ZNF878: variants seen among roughly 807,000 people sequenced by gnomAD.
The protein encoded by ZNF878 is zinc finger protein 878.
ZNF878 carries 10 observed loss-of-function variants against 11.1 expected under a neutral mutation model. That is an observed-to-expected ratio of 0.90 (90% CI 0.56 to 1.53). The LOEUF (loss-of-function observed/expected upper bound fraction) is 1.53. Ranked by LOEUF, ZNF878 falls within the 40% of genes most tolerant of loss-of-function variation. The pLI, the probability that ZNF878 is intolerant of heterozygous loss-of-function variation, is 0.00. For synonymous variants in ZNF878, 165 were observed against 209.7 expected (o/e 0.79, Z 1.84); for missense variants, 548 against 626.1 (o/e 0.88, Z 1.33).
chr19:12,050,956 C>A (rs1311389762), intron 1 of ZNF878, among the ~76,000 whole-genome samples: 2 of 151,814 alleles, frequency 1.3e-5, no homozygotes, highest in Non-Finnish European at 1.5e-5. Context: ...ATTAGCCGGG[C>A]GCGGTGGCGG....
intron 1 of ZNF878, among the ~76,000 whole-genome samples, chr19:12,046,981 A>G (rs936420230): frequency 1.3e-5 from 2 of 152,154 alleles, no homozygotes; most frequent in African/African-American, 4.8e-5. Flanking sequence ...GCAACAGCAG[A>G]ATAGGAAAAA....
intron 1 of ZNF878, 54 bp downstream of exon 1, chr19:12,052,745 G>T: frequency 6.5e-7 from 1 of 1,533,574 alleles, no homozygotes; most frequent in Non-Finnish European, 8.7e-7. Context: ...GGTTCCTCTC[G>T]GTTCCACCCA....
Position 12,046,429 on chromosome 19 carries a change from C to G in ZNF878, c.131-1G>C. On this transcript the variant is annotated splice_acceptor_variant, in intron 2 of 3. Coordinates refer to ENST00000547628, the MANE Select transcript of ZNF878 (RefSeq NM_001080404.3). LOFTEE classifies it high-confidence loss of function. Reference sequence around the variant, plus strand: ...ATGTACTGGTTGTTCCATTTTTTTCCTAAAATGCGGACCCAGAAAAATAGT... The same window carrying G: ...ATGTACTGGTTGTTCCATTTTTTTCGTAAAATGCGGACCCAGAAAAATAGT... The G allele has an allele frequency of 6.4e-7, 1 of 1,571,708 alleles. No individual in the cohort carries two copies. Among genetic ancestry groups the G allele is most frequent in the South Asian group, 1.2e-5 (1 of 84,598 alleles).
At chr19:12,052,007 G>C (rs1255164318) in intron 1 of ZNF878, among the ~76,000 whole-genome samples, 1 of 152,196 alleles carries the variant, frequency 6.6e-6, no homozygotes, top group East Asian at 1.9e-4. Flanking sequence ...CCTTCCTACA[G>C]CCTCCAAATT....
rs1975449630 is a variant in ZNF878, at chr19:12,044,790, C to CA, written c.610dup (p.Cys204LeufsTer25). On this transcript the variant is annotated frameshift_variant, in exon 4 of 4. Transcript: ENST00000547628. LOFTEE classifies it low-confidence loss of function (END_TRUNC). Reference sequence around the variant, plus strand: ...TACAAGATAAGATAATGCTTTCCCACACTGCTTACATTCATAGGGTTTTTT... The same window carrying CA: ...TACAAGATAAGATAATGCTTTCCCACAACTGCTTACATTCATAGGGTTTTTT... The CA allele has an allele frequency of 6.2e-7, 1 of 1,614,076 alleles. No homozygotes were observed. The highest frequency in any genetic ancestry group is 1.1e-5 in the South Asian group (1 of 91,080).
chr19:12,048,244 C>T (rs998019432), intron 1 of ZNF878, among the ~76,000 whole-genome samples: 6 of 151,696 alleles, frequency 4.0e-5, no homozygotes, highest in South Asian at 4.2e-4. Flanking sequence ...CTGGGCTGGG[C>T]GCGGTGGCTC....
rs781545567 is a variant in ZNF878, at chr19:12,052,807, G to C, written c.-6C>G. 6.5e-7 allele frequency: 1 copy of C among 1,535,982 alleles called. No individual in the cohort carries two copies. Among genetic ancestry groups the C allele is most frequent in the South Asian group, 1.2e-5 (1 of 84,050 alleles). On this transcript the variant is annotated 5_prime_UTR_variant, in exon 1 of 4. Transcript: ENST00000547628. ...CAGCACCGCATGCTCACCATTTCCT[G>C]GCTTCCAGGTATTCTGGCGTCCTCT...
At chr19:12,048,641 C>G (rs1442156097) in intron 1 of ZNF878, among the ~76,000 whole-genome samples, 3 of 151,826 alleles carry the variant, frequency 2.0e-5, no homozygotes, top group Non-Finnish European at 2.9e-5. Context: ...CGAGACCAGC[C>G]TGGCCAACCA....
At chr19:12,051,830 C>G (rs778108065) in intron 1 of ZNF878, among the ~76,000 whole-genome samples, 5 of 152,192 alleles carry the variant, frequency 3.3e-5, no homozygotes, top group Admixed American at 3.3e-4. Context: ...TCGCTTGAAC[C>G]CGGGAGGCGG....
At position 12,044,690 on chromosome 19, in the gene ZNF878, A is replaced by T. The variant is rs1176397592; in HGVS notation, c.711T>A (p.Phe237Leu). 2 of 1,614,066 alleles carry T rather than the reference A, an allele frequency of 1.2e-6. No homozygotes were observed. Among genetic ancestry groups the T allele is most frequent in the East Asian group, 2.2e-5 (1 of 44,854 alleles). The stretch of plus-strand genomic sequence containing the variant: ...CGTGTCTTTTTAACGAACTGGGAGA[A>T]AAAAAGGCTTTCCCACATATGTTAC... ...HKCNICGKAF[F>L]SPSSLKRHEK... Residue 237 changes from phenylalanine to leucine, a missense_variant, in exon 4 of 4, where the codon TTT becomes TTA. Physicochemically the swap from Phe to Leu is conservative, Grantham distance 22. Coordinates refer to ENST00000547628, the MANE Select transcript of ZNF878 (RefSeq NM_001080404.3).
At chr19:12,043,801 G>A, downstream of ZNF878, 1 of 1,589,806 alleles carries the variant, frequency 6.3e-7, no homozygotes, top group Non-Finnish European at 8.5e-7. Flanking sequence ...CATCCATAGA[G>A]TTTCTAGCCA....
intron 1 of ZNF878, among the ~76,000 whole-genome samples, chr19:12,051,390 G>A (rs1284289201): frequency 6.6e-6 from 1 of 151,724 alleles, no homozygotes; most frequent in East Asian, 1.9e-4. Flanking sequence ...AATTAATTTA[G>A]TTGTACTAAT....
At chr19:12,046,557 A>G in intron 2 of ZNF878, 77 bp downstream of exon 2, 1 of 1,599,342 alleles carries the variant, frequency 6.3e-7, no homozygotes, top group Non-Finnish European at 8.5e-7. Context: ...ACCATATTCC[A>G]AATCACTCAA....
At position 12,044,165 on chromosome 19, in the gene ZNF878, C is replaced by T; in HGVS notation, c.1236G>A (p.Lys412=). 1 of 1,611,334 alleles carries T rather than the reference C, an allele frequency of 6.2e-7. No homozygotes were observed. The highest frequency in any genetic ancestry group is 1.1e-5 in the South Asian group (1 of 90,966). Residue 412 remains lysine, a synonymous_variant, in exon 4 of 4, where the codon AAG becomes AAA. Coordinates refer to ENST00000547628, the MANE Select transcript of ZNF878 (RefSeq NM_001080404.3). ...KAFRSASVLQ[K]HIRTHTGEKP... is the part of the protein sequence containing the mutation. ...TCTCTCCTGTGTGAGTTCGTATGTG[C>T]TTTTGAAGGACTGAGGCAGATCTGA...
intron 1 of ZNF878, among the ~76,000 whole-genome samples, chr19:12,050,418 T>A (rs1975538721): frequency 6.6e-6 from 1 of 151,992 alleles, no homozygotes; most frequent in Non-Finnish European, 1.5e-5. Context: ...GCACAATAGG[T>A]CAATTAATCT....
At chr19:12,048,073 C>A (rs1400986395) in intron 1 of ZNF878, among the ~76,000 whole-genome samples, 1 of 152,078 alleles carries the variant, frequency 6.6e-6, no homozygotes, top group Non-Finnish European at 1.5e-5. Flanking sequence ...ACTGGGCAAC[C>A]CATGACTCAA....
Position 12,046,406 on chromosome 19 carries a change from G to C in ZNF878, c.153C>G (p.Tyr51Ter). 6.3e-7 allele frequency: 1 copy of C among 1,577,700 alleles called. No homozygotes were observed. The highest frequency in any genetic ancestry group is 8.6e-7 in the Non-Finnish European group (1 of 1,161,278). The change falls in exon 3 of 4, where the codon TAC becomes TAG. Residue 51 changes from tyrosine to a stop codon, truncating the protein, a stop_gained. Transcript: ENST00000547628. LOFTEE classifies it low-confidence loss of function (END_TRUNC). ...TAGGATTTTGGTGCTCATCTTCAATGTACTGGTTGTTCCATTTTTTTCCTA... is the reference window on the plus strand; with the variant it reads ...TAGGATTTTGGTGCTCATCTTCAATCTACTGGTTGTTCCATTTTTTTCCTA... ...TSIGKKWNNQ[Y>*]IEDEHQNPRR... is the part of the protein sequence containing the mutation.
Position 12,049,702 on chromosome 19 carries a change from GGAGGTTGCAGT to G in ZNF878, c.4-2953_4-2943del, listed in dbSNP as rs934357927. 9.4e-4 allele frequency among the ~76,000 whole-genome samples: 143 copies of G among 151,414 alleles called. 4 individuals are homozygous for G. Among genetic ancestry groups the G allele is most frequent in the Non-Finnish European group, 3.2e-4 (22 of 67,874 alleles). On this transcript the variant is annotated intron_variant, in intron 1 of 3. Coordinates refer to ENST00000547628, the MANE Select transcript of ZNF878 (RefSeq NM_001080404.3). The stretch of plus-strand genomic sequence containing the variant: ...GGAGAATCACTTGAACCTGGGAGGT[GGAGGTTGCAGT>G]GAGCTGAACTCACGCCATTGTACTC...
At position 12,050,034 on chromosome 19, in the gene ZNF878, G is replaced by A. The variant is rs145075246; in HGVS notation, c.3+2765C>T. Reference sequence around the variant, plus strand: ...GAGATCAGGAGTTTGAGACCAGCCTGGCCAACATGGTGAAACCCTGTCTCT... The same window carrying A: ...GAGATCAGGAGTTTGAGACCAGCCTAGCCAACATGGTGAAACCCTGTCTCT... On this transcript the variant is annotated intron_variant, in intron 1 of 3. Transcript: ENST00000547628. Among the ~76,000 whole-genome samples the A allele has an allele frequency of 3.7e-4, 57 of 152,040 alleles. No individual in the cohort carries two copies. In the East Asian group the frequency reaches 0.011, roughly 29 times the overall value.
Sources: allele counts gnomAD v4.1 joint callset (sites outside exome capture counted in the v4.1 genomes callset), GRCh38; gene constraint gnomAD v4.1.1; transcripts MANE v1.5; gene names NCBI Gene and HGNC (gene_info 2026-07-23, HGNC 2026-07-21).